The following ATXN3 variants were observed in gnomAD, a reference collection of about 807,000 sequenced individuals.
The protein encoded by ATXN3 is ataxin 3, also known as ataxin-3.
ATXN3 carries 28 observed loss-of-function variants against 58.2 expected under a neutral mutation model. That is an observed-to-expected ratio of 0.48 (90% confidence interval 0.36 to 0.66). The LOEUF (loss-of-function observed/expected upper bound fraction) is 0.66. Among genes scored for constraint, ATXN3 ranks in the 30% least tolerant of loss-of-function variants. The pLI is 0.00. For synonymous variants in ATXN3, 113 were observed against 138.5 expected (o/e 0.82, Z 1.29); for missense variants, 321 against 422.1 (o/e 0.76, Z 2.10).
chr14:92,075,326 G>C (rs61676989), intron 9 of ATXN3, among the ~76,000 whole-genome samples: 2 of 151,830 alleles, frequency 1.3e-5, no homozygotes, highest in Non-Finnish European at 2.9e-5. Flanking sequence ...CACCATACTC[G>C]GCTAATTTTT....
chr14:92,051,418 C>T (rs772086354), upstream of ATXN3, among the ~76,000 whole-genome samples: 1 of 152,140 alleles, frequency 6.6e-6, no homozygotes, highest in Non-Finnish European at 1.5e-5. Flanking sequence ...TGGCTAGGCT[C>T]AGTTCGCTCT....
intron 9 of ATXN3, among the ~76,000 whole-genome samples, chr14:92,072,122 TA>T (rs2059552505): frequency 6.6e-6 from 1 of 152,248 alleles, no homozygotes; most frequent in Non-Finnish European, 1.5e-5. Flanking sequence ...AGCTCCTCTG[TA>T]ATTTTTTCAA....
chr14:92,048,905 A>G (rs985912034), intron 1 of ATXN3, among the ~76,000 whole-genome samples: 1 of 152,082 alleles, frequency 6.6e-6, no homozygotes, highest in African/African-American at 2.4e-5. Flanking sequence ...GAAAGAAGAA[A>G]GATTTGGGAT....
At chr14:92,089,299 A>T (rs569366715) in intron 5 of ATXN3, among the ~76,000 whole-genome samples, 1,599 of 141,008 alleles carry the variant, frequency 0.011, 37 homozygotes, top group South Asian at 0.039. Context: ...GATTACAAAC[A>T]TGAGCCACTG....
rs1344263652 is a variant in ATXN3, at chr14:92,101,308, G to A, written c.25-4470C>T. 2.6e-5 allele frequency among the ~76,000 whole-genome samples: 4 copies of A among 152,196 alleles called. No homozygotes were observed. The South Asian group carries it at 6.2e-4, about 24-fold the overall frequency. On this transcript the variant is annotated intron_variant, in intron 1 of 10. Coordinates refer to ENST00000644486, the MANE Select transcript of ATXN3 (RefSeq NM_004993.6). ...ATTGTGCCACTGTATTCTGGCCCAG[G>A]TGACAGAGCAACATCATGTCTCTCA...
At chr14:92,048,307 T>G (rs994675491) in intron 1 of ATXN3, among the ~76,000 whole-genome samples, 1 of 152,208 alleles carries the variant, frequency 6.6e-6, no homozygotes, top group Admixed American at 6.5e-5. Flanking sequence ...CAGAAATACG[T>G]TACTACTTGG....
intron 10 of ATXN3, among the ~76,000 whole-genome samples, chr14:92,070,318 G>A (rs1420533056): frequency 1.3e-5 from 2 of 152,136 alleles, no homozygotes; most frequent in Admixed American, 6.6e-5. Context: ...GATGGCTCAC[G>A]CCTGTAATCC....
chr14:92,085,236 G>T (rs982158145), intron 6 of ATXN3, among the ~76,000 whole-genome samples: 1 of 151,634 alleles, frequency 6.6e-6, no homozygotes, highest in Non-Finnish European at 1.5e-5. Flanking sequence ...ACCCAGGCTG[G>T]AGTGCAGTGG....
intron 1 of ATXN3, among the ~76,000 whole-genome samples, chr14:92,104,543 T>C (rs2067711690): frequency 6.6e-6 from 1 of 152,210 alleles, no homozygotes; most frequent in South Asian, 2.1e-4. Flanking sequence ...TTGTTAAAAA[T>C]CTTGTCTAAT....
At chr14:92,057,734 A>G (rs2057489488), downstream of ATXN3, among the ~76,000 whole-genome samples, 2 of 152,368 alleles carry the variant, frequency 1.3e-5, no homozygotes, top group East Asian at 1.9e-4. Flanking sequence ...GTGGATTCCA[A>G]TCACTACATT....
intron 6 of ATXN3, among the ~76,000 whole-genome samples, chr14:92,083,810 T>C (rs2061902604): frequency 1.3e-5 from 2 of 152,214 alleles, no homozygotes; most frequent in Admixed American, 6.5e-5. Context: ...GCCAGTGAAC[T>C]GGGAGAGGTA....
intron 10 of ATXN3, among the ~76,000 whole-genome samples, chr14:92,069,407 T>C (rs1360952916): frequency 1.9e-5 from 2 of 104,620 alleles, no homozygotes; most frequent in African/African-American, 3.8e-5. Flanking sequence ...AGAGTTTTGC[T>C]CTGTCACCCA....
downstream of ATXN3, among the ~76,000 whole-genome samples, chr14:92,054,844 C>A (rs920531266): frequency 5.3e-5 from 8 of 151,890 alleles, no homozygotes; most frequent in Non-Finnish European, 1.5e-5. Flanking sequence ...AGAAAAAAAA[C>A]CCATAGCATG....
At chr14:92,057,203 G>C (rs529337475), downstream of ATXN3, among the ~76,000 whole-genome samples, 25 of 152,338 alleles carry the variant, frequency 1.6e-4, no homozygotes, top group South Asian at 5.0e-3. Context: ...GGATCACGAA[G>C]TCAAGAGATT....
chr14:92,078,621 C>T (rs896274300), intron 9 of ATXN3, among the ~76,000 whole-genome samples: 2 of 151,976 alleles, frequency 1.3e-5, no homozygotes, highest in Non-Finnish European at 2.9e-5. Context: ...CCTCAGCCTC[C>T]CAAAGTGCTG....
downstream of ATXN3, among the ~76,000 whole-genome samples, chr14:92,057,122 T>C (rs1329573084): frequency 6.6e-6 from 1 of 152,156 alleles, no homozygotes; most frequent in Non-Finnish European, 1.5e-5. Flanking sequence ...ACCCCTTGTT[T>C]AGCATATCAT....
intron 3 of ATXN3, 68 bp downstream of exon 3, chr14:92,096,025 C>G: frequency 8.0e-7 from 1 of 1,249,524 alleles, no homozygotes; most frequent in South Asian, 1.2e-5. Flanking sequence ...GTTACAGTGA[C>G]TATTGAAAGG....
chr14:92,101,382 A>G (rs1377828940), intron 1 of ATXN3, among the ~76,000 whole-genome samples: 1 of 152,208 alleles, frequency 6.6e-6, no homozygotes, highest in Non-Finnish European at 1.5e-5. Flanking sequence ...ACATAACTTA[A>G]GTCATAGGAC....
rs1282596581 is a variant in ATXN3, at chr14:92,081,000, T to C, written c.837A>G (p.Glu279=). 3.1e-6 allele frequency: 5 copies of C among 1,612,864 alleles called. No individual in the cohort carries two copies. Among genetic ancestry groups the C allele is most frequent in the Admixed American group, 3.3e-5 (2 of 59,994 alleles). The change falls in exon 9 of 11, where the codon GAA becomes GAG. Residue 279 remains glutamate (E), a synonymous_variant. Coordinates refer to ENST00000644486, the MANE Select transcript of ATXN3 (RefSeq NM_004993.6). The stretch of plus-strand genomic sequence containing the variant: ...AGGCTTCTCGTCTCTTCCGAAGCTC[T>C]TCTGAAGTAAGATTTGTACCTGATG... ...TQTSGTNLTS[E]ELRKRREAYF...
Sources: allele counts gnomAD v4.1 joint callset (sites outside exome capture counted in the v4.1 genomes callset), GRCh38; gene constraint gnomAD v4.1.1; transcripts MANE v1.5; gene names NCBI Gene and HGNC (gene_info 2026-07-23, HGNC 2026-07-21).